The following NHSL2 variants were observed in gnomAD, a reference collection of about 807,000 sequenced individuals.
NHSL2 encodes NHS-like protein 2.
Under a neutral mutation model 53.4 loss-of-function variants are expected in NHSL2, and 27 were observed. The observed-to-expected ratio is 0.51, with a 90% CI of 0.37 to 0.70. The LOEUF (loss-of-function observed/expected upper bound fraction) is 0.70, where lower values mean the gene tolerates loss of function less well. Among genes scored for constraint, NHSL2 ranks in the 30% least tolerant of loss-of-function variants. The pLI is 0.00. For missense variants in NHSL2, 892 were observed against 980.1 expected (o/e 0.91, Z 1.20); for synonymous variants, 408 against 404.1 (o/e 1.01, Z -0.12).
At chrX:72,085,812 GCTCCCTACTCC>G (rs1241728608) in intron 1 of NHSL2, among the ~76,000 whole-genome samples, 5 of 106,780 alleles carry the variant, frequency 4.7e-5, no homozygotes, top group East Asian at 2.9e-4. Context: ...CAGTGCAGCT[GCTCCCTACTCC>G]CTCCCTACCA....
chrX:71,967,996 C>CTT (rs371562625), intron 1 of NHSL2, among the ~76,000 whole-genome samples: 1 of 97,616 alleles, frequency 1.0e-5, no homozygotes, highest in African/African-American at 3.7e-5. Context: ...GGAAGTCAAT[C>CTT]TTTTTTTTTT....
intron 1 of NHSL2, among the ~76,000 whole-genome samples, chrX:72,021,334 G>C (rs917111738): frequency 2.7e-5 from 3 of 111,924 alleles, no homozygotes; most frequent in Non-Finnish European, 3.8e-5. Context: ...CTGCCTTCCT[G>C]TCTGTGGTCC....
chrX:71,990,423 C>T (rs1217742657), intron 1 of NHSL2, among the ~76,000 whole-genome samples: 1 of 111,426 alleles, frequency 9.0e-6, no homozygotes, highest in Admixed American at 9.5e-5. Context: ...TTCTCCCTCT[C>T]TGTTGGCGAT....
At chrX:72,000,713 A>G (rs769330865) in intron 1 of NHSL2, among the ~76,000 whole-genome samples, 50 of 111,026 alleles carry the variant, frequency 4.5e-4, no homozygotes, top group Non-Finnish European at 7.7e-4. Context: ...GCTTCTATAC[A>G]TCTCCTTCTC....
In NHSL2 at chrX:72,130,074, G is replaced by A. The variant is rs767637198; in HGVS notation, c.281-2005G>A. ...GTGATGCACCCAGGAAGTTTTCGGC[G>A]TGGTAACCACTTGTGGGGCCAGAAG... On this transcript the variant is annotated intron_variant, in intron 1 of 7. Coordinates refer to ENST00000633930, the MANE Select transcript of NHSL2 (RefSeq NM_001013627.3). The A allele has an allele frequency of 1.6e-5, 19 of 1,209,122 alleles. No individual in the cohort carries two copies. The South Asian group carries it at 1.6e-4, about 10-fold the overall frequency.
At chrX:72,091,090 A>G (rs2041893332) in intron 1 of NHSL2, among the ~76,000 whole-genome samples, 2 of 111,895 alleles carry the variant, frequency 1.8e-5, no homozygotes, top group Non-Finnish European at 3.8e-5. Context: ...TTGTTCATGT[A>G]TCTTCATATG....
chrX:71,978,517 T>G lies in NHSL2; in HGVS notation c.280+67150T>G, dbSNP rs761144880. Reference sequence around the variant, plus strand: ...ATTCTGCATAGGACTAGAAGAAAGATGTTTCCCAGCCAGACACACTTTATT... The same window carrying G: ...ATTCTGCATAGGACTAGAAGAAAGAGGTTTCCCAGCCAGACACACTTTATT... On this transcript the variant is annotated intron_variant, in intron 1 of 7. Coordinates refer to ENST00000633930, the MANE Select transcript of NHSL2 (RefSeq NM_001013627.3). Among the ~76,000 whole-genome samples, 15 of 112,119 alleles carry G rather than the reference T, an allele frequency of 1.3e-4. No homozygotes were observed. In the South Asian group the frequency reaches 5.6e-3, roughly 42 times the overall value.
chrX:72,128,787 C>T (rs2042252472), intron 1 of NHSL2: 1 of 113,172 alleles, frequency 8.8e-6, no homozygotes, highest in East Asian at 2.8e-4. Context: ...ATCAGGCCTC[C>T]TCTGCAACTC....
At chrX:72,027,712 G>A (rs187337688) in intron 1 of NHSL2, 146 of 112,344 alleles carry the variant, frequency 1.3e-3, no homozygotes, top group Non-Finnish European at 2.1e-3. Flanking sequence ...ACGTGGTCTG[G>A]ACATTTTAAC....
rs753078653 is a variant in NHSL2, at chrX:71,980,566, TGGG to T, written c.280+69201_280+69203del. On this transcript the variant is annotated intron_variant, in intron 1 of 7. Transcript: ENST00000633930. ...TGTGTGTGTGTGTGTGTGGGGTGTG[TGGG>T]GTGTGTGTGTGTGTGTGTGTGTGTG... 5.4e-3 allele frequency among the ~76,000 whole-genome samples: 9 copies of T among 1,659 alleles called. 1 individual carries two copies. The highest frequency in any genetic ancestry group is 0.013 in the African/African-American group (6 of 450). The allele number at this position is 1,659 out of a possible 115,157, so 1.4% of individuals were successfully genotyped here. A position where few individuals can be genotyped will look rare whatever the true frequency, so the allele number is the denominator to read the frequency against.
At chrX:72,133,831 G>GA (rs767304067) in intron 2 of NHSL2, 64 of 288,324 alleles carry the variant, frequency 2.2e-4, no homozygotes, top group African/African-American at 1.6e-3. Flanking sequence ...TCAAGGTGGG[G>GA]ATCATTGAGA....
intron 1 of NHSL2, among the ~76,000 whole-genome samples, chrX:72,030,989 T>G (rs1298212905): frequency 3.6e-5 from 4 of 111,841 alleles, no homozygotes; most frequent in Non-Finnish European, 7.5e-5. Flanking sequence ...CCAGCTTCTT[T>G]TATGCAGCAG....
intron 1 of NHSL2, among the ~76,000 whole-genome samples, chrX:71,918,738 A>T (rs2041641587): frequency 8.9e-6 from 1 of 112,200 alleles, no homozygotes; most frequent in African/African-American, 3.2e-5. Context: ...AGAAATAATC[A>T]GATATTGTGG....
chrX:72,056,832 C>G (rs753819460), intron 1 of NHSL2, among the ~76,000 whole-genome samples: 1 of 112,778 alleles, frequency 8.9e-6, no homozygotes, highest in Non-Finnish European at 1.9e-5. Flanking sequence ...TTACTTTTGT[C>G]TGGTCTCTAT....
At chrX:72,057,904 A>G (rs2042378525) in intron 1 of NHSL2, among the ~76,000 whole-genome samples, 1 of 112,567 alleles carries the variant, frequency 8.9e-6, no homozygotes, top group Non-Finnish European at 1.9e-5. Context: ...CACCAATCTT[A>G]CTGAAAAGTA....
chrX:72,009,051 C>T (rs973991657), intron 1 of NHSL2, among the ~76,000 whole-genome samples: 3 of 112,537 alleles, frequency 2.7e-5, no homozygotes, highest in African/African-American at 3.2e-5. Flanking sequence ...CAAATCCCAT[C>T]GTCTGCCTCT....
At chrX:72,110,828 C>T (rs931146148) in intron 1 of NHSL2, among the ~76,000 whole-genome samples, 3 of 109,374 alleles carry the variant, frequency 2.7e-5, no homozygotes, top group South Asian at 3.9e-4. Context: ...TCAGCACACA[C>T]GGCCACCACA....
chrX:72,097,554 G>T lies in NHSL2; in HGVS notation c.281-34525G>T, dbSNP rs150896142. ...GAGAAGGAGTGTAAAAGAAAATTTG[G>T]TATTTTCCCACACCACTTGTCCCCT... On this transcript the variant is annotated intron_variant, in intron 1 of 7. Transcript: ENST00000633930. Among the ~76,000 whole-genome samples, 956 of 111,747 alleles carry T rather than the reference G, an allele frequency of 8.6e-3. 9 individuals carry two copies. The highest frequency in any genetic ancestry group is 0.03 in the African/African-American group (912 of 30,692).
chrX:72,119,175 A>G (rs944620137), intron 1 of NHSL2, among the ~76,000 whole-genome samples: 5 of 111,657 alleles, frequency 4.5e-5, no homozygotes, highest in Non-Finnish European at 7.5e-5. Context: ...TTTGATTACT[A>G]TAGCATTGTA....
Sources: allele counts gnomAD v4.1 joint callset (sites outside exome capture counted in the v4.1 genomes callset), GRCh38; gene constraint gnomAD v4.1.1; transcripts MANE v1.5; gene names NCBI Gene and HGNC (gene_info 2026-07-23, HGNC 2026-07-21).